The following CXXC5 variants were observed in gnomAD, a reference collection of about 807,000 sequenced individuals.
CXXC5 encodes the protein CXXC-type zinc finger protein 5.
Under a neutral mutation model 17.6 loss-of-function variants are expected in CXXC5, and 2 were observed. That is an observed-to-expected ratio of 0.11 (90% CI 0.05 to 0.36). CXXC5 has a LOEUF of 0.36. CXXC5 is among the 10% of genes least tolerant of loss of function. The probability of loss-of-function intolerance (pLI) is 1.00; values close to 1 mark genes in which losing one functional copy is unlikely to be tolerated. For synonymous variants in CXXC5, 171 were observed against 193.0 expected (o/e 0.89, Z 0.94); for missense variants, 343 against 458.3 (o/e 0.75, Z 2.30).
At position 139,680,361 on chromosome 5, in the gene CXXC5, CAG is replaced by C; in HGVS notation, c.-160_-159del. ...GCCCTGACCCTGTATCCTCTTGTGACAGAGTGAAGACATTTCCACCTGGACAC... is the reference window on the plus strand; with the variant it reads ...GCCCTGACCCTGTATCCTCTTGTGACAGTGAAGACATTTCCACCTGGACAC... On this transcript the variant is annotated splice_acceptor_variant, in intron 1 of 2. Coordinates refer to ENST00000302517, the MANE Select transcript of CXXC5 (RefSeq NM_016463.9). LOFTEE classifies it low-confidence loss of function (5UTR_SPLICE). The C allele has an allele frequency of 9.9e-7, 1 of 1,012,404 alleles. No homozygotes were observed. 62.7% of individuals were successfully genotyped at this position (1,012,404 alleles called of 1,614,324 possible). A position where few individuals can be genotyped will look rare whatever the true frequency, so the allele number is the denominator to read the frequency against.
chr5:139,661,757 C>T lies in CXXC5; in HGVS notation c.-161+12912C>T, dbSNP rs951802533. Among the ~76,000 whole-genome samples, 4 of 152,374 alleles carry T rather than the reference C, an allele frequency of 2.6e-5. No homozygotes were observed. The highest frequency in any genetic ancestry group is 3.9e-4 in the East Asian group (2 of 5,190). ...TAGACGCCCCGTGTTTAGGCTTACA[C>T]GGAAGAGGCCCGGCCTTCAGCCATG... On this transcript the variant is annotated intron_variant, in intron 1 of 2. Coordinates refer to ENST00000302517, the MANE Select transcript of CXXC5 (RefSeq NM_016463.9). This position sits in a 1 kb window ranked among gnomAD's most constrained non-coding sequence, Gnocchi z 4.7.
At chr5:139,657,300 C>G (rs1467580363) in intron 1 of CXXC5, among the ~76,000 whole-genome samples, 1 of 152,224 alleles carries the variant, frequency 6.6e-6, no homozygotes, top group East Asian at 1.9e-4. Context: ...CTGTTGGCCT[C>G]TGTGTGCTGT....
chr5:139,682,668 G>C (rs572022794), intron 2 of CXXC5, among the ~76,000 whole-genome samples, 195 bp from the exon 3 acceptor site: 1 of 152,176 alleles, frequency 6.6e-6, no homozygotes, highest in Non-Finnish European at 1.5e-5. Flanking sequence ...CAGAGTCCTC[G>C]GGGCCTTCCA....
chr5:139,670,970 C>G lies in CXXC5; in HGVS notation c.-160-9394C>G, dbSNP rs576221381. On this transcript the variant is annotated intron_variant, in intron 1 of 2. Transcript: ENST00000302517. The surrounding 1 kb of genome is among the most constrained non-coding windows in gnomAD (Gnocchi z 4.2). ...TCGTCACCATACACACTCCAGCCCC[C>G]TGAGCCCGCTCCCAGGTGCCCAGCA... is the stretch of plus-strand genomic sequence containing the variant. Among the ~76,000 whole-genome samples the G allele has an allele frequency of 6.6e-6, 1 of 152,228 alleles. No individual in the cohort carries two copies. The highest frequency in any genetic ancestry group is 2.1e-4 in the South Asian group (1 of 4,834).
At position 139,650,534 on chromosome 5, in the gene CXXC5, G is replaced by T. The variant is rs377654111; in HGVS notation, c.-161+1689G>T. ...CCCTTTCAAGTTTTCCGCTGGGGCC[G>T]CCTGGCGGGGGCTGCGAGCGCGGTC... On this transcript the variant is annotated intron_variant, in intron 1 of 2. Coordinates refer to ENST00000302517, the MANE Select transcript of CXXC5 (RefSeq NM_016463.9). Among the ~76,000 whole-genome samples the T allele has an allele frequency of 1.2e-4, 18 of 152,354 alleles. No individual in the cohort carries two copies. The South Asian group carries it at 3.3e-3, about 28-fold the overall frequency.
chr5:139,654,418 G>A (rs954307727), intron 1 of CXXC5, among the ~76,000 whole-genome samples: 8 of 152,184 alleles, frequency 5.3e-5, no homozygotes, highest in East Asian at 1.9e-4. Flanking sequence ...GAAATTGGAC[G>A]GTAAGAGAAT....
chr5:139,660,126 C>G (rs879591935), intron 1 of CXXC5, among the ~76,000 whole-genome samples: 16 of 152,346 alleles, frequency 1.1e-4, no homozygotes, highest in Non-Finnish European at 1.6e-4. Context: ...TAGAGGCAAG[C>G]TGCATCCAGG....
rs753812369 is a variant in CXXC5, at chr5:139,681,086, C to T, written c.563C>T (p.Ala188Val). 1.4e-5 allele frequency: 22 copies of T among 1,612,576 alleles called. No individual in the cohort carries two copies. In the African/African-American group the frequency reaches 2.5e-4, roughly 19 times the overall value. ...EHLPLMSEAG[A>V]GLPDMEAVAG... ...CTCCCGCTGATGAGCGAGGCGGGTG[C>T]TGGCCTGCCTGACATGGAGGCTGTG... Residue 188 changes from alanine (A) to valine (V), a missense_variant, in exon 2 of 3, where the codon GCT becomes GTT. Ala to Val is a moderately conservative substitution (Grantham distance 64). Transcript: ENST00000302517.
Position 139,670,731 on chromosome 5 carries a change from G to C in CXXC5, c.-160-9633G>C, listed in dbSNP as rs1177164154. On this transcript the variant is annotated intron_variant, in intron 1 of 2. Transcript: ENST00000302517. This position sits in a 1 kb window ranked among gnomAD's most constrained non-coding sequence, Gnocchi z 4.2. ...TCACAGACTTGGGTCGCACACACAT[G>C]CCTCCACTTTACCCTCAGGGAGGTC... Among the ~76,000 whole-genome samples the C allele has an allele frequency of 6.6e-6, 1 of 152,158 alleles. No homozygotes were observed. Among genetic ancestry groups the C allele is most frequent in the Non-Finnish European group, 1.5e-5 (1 of 68,030 alleles).
intron 1 of CXXC5, among the ~76,000 whole-genome samples, chr5:139,677,326 A>G (rs1394529935): frequency 6.6e-6 from 1 of 151,870 alleles, no homozygotes; most frequent in Non-Finnish European, 1.5e-5. Context: ...CCTGGCCTGG[A>G]AGGGGATGGC....
rs528724719 is a variant in CXXC5, at chr5:139,681,091, C to G, written c.568C>G (p.Leu190Val). ...LPLMSEAGAGLPDMEAVAGAE... is the reference protein window; with the variant it reads ...LPLMSEAGAGVPDMEAVAGAE... ...GCTGATGAGCGAGGCGGGTGCTGGCCTGCCTGACATGGAGGCTGTGGCAGG... is the reference window on the plus strand; with the variant it reads ...GCTGATGAGCGAGGCGGGTGCTGGCGTGCCTGACATGGAGGCTGTGGCAGG... The change falls in exon 2 of 3, where the codon CTG becomes GTG. Residue 190 changes from leucine to valine, a missense_variant. Leu to Val is a conservative substitution (Grantham distance 32). This residue lies in a region of CXXC5 where 297 missense variants were observed against 363.4 expected (regional missense o/e 0.82). Transcript: ENST00000302517. The G allele has an allele frequency of 6.2e-7, 1 of 1,612,830 alleles. No individual in the cohort carries two copies. Among genetic ancestry groups the G allele is most frequent in the African/African-American group, 1.3e-5 (1 of 75,076 alleles).
chr5:139,681,331 C>A lies in CXXC5; in HGVS notation c.808C>A (p.Arg270=), dbSNP rs755174634. Residue 270 remains arginine (R), a synonymous_variant, in exon 2 of 3, where the codon CGG becomes AGG. Transcript: ENST00000302517. ...ACGCTGCGGCATGTGCGCGCCCTGC[C>A]GGCGGCGCATCAACTGCGAGCAGTG... ...RKRCGMCAPC[R]RRINCEQCSS... is the part of the protein sequence containing the mutation. 2.5e-6 allele frequency: 4 copies of A among 1,612,550 alleles called. No homozygotes were observed. The South Asian group carries it at 4.4e-5, about 18-fold the overall frequency.
At chr5:139,672,392 ACAGGCGTG>A (rs1756530195) in intron 1 of CXXC5, among the ~76,000 whole-genome samples, 1 of 152,232 alleles carries the variant, frequency 6.6e-6, no homozygotes, top group South Asian at 2.1e-4. Context: ...TGCTGGGATT[ACAGGCGTG>A]AGCCTGTACA....
At chr5:139,666,005 AC>A (rs1756091157) in intron 1 of CXXC5, among the ~76,000 whole-genome samples, 1 of 152,172 alleles carries the variant, frequency 6.6e-6, no homozygotes, top group South Asian at 2.1e-4. Flanking sequence ...GTTCTTCCAA[AC>A]CCCTTTTCTC....
intron 1 of CXXC5, among the ~76,000 whole-genome samples, chr5:139,665,396 C>T (rs575710569): frequency 9.8e-5 from 15 of 152,358 alleles, no homozygotes; most frequent in Non-Finnish European, 2.1e-4. Context: ...CCATGGGTCT[C>T]CCAGAGCCCC....
intron 1 of CXXC5, among the ~76,000 whole-genome samples, chr5:139,678,325 C>T (rs1235707239): frequency 6.6e-6 from 1 of 152,188 alleles, no homozygotes; most frequent in East Asian, 1.9e-4. Context: ...TGGGAGGGAA[C>T]ACAGCTATCC....
chr5:139,650,724 C>G (rs1252074108), intron 1 of CXXC5, among the ~76,000 whole-genome samples: 1 of 152,222 alleles, frequency 6.6e-6, no homozygotes, highest in Non-Finnish European at 1.5e-5. Flanking sequence ...TGAAAGATGC[C>G]CGTGCCTTGG....
At position 139,659,240 on chromosome 5, in the gene CXXC5, C is replaced by G. The variant is rs113909038; in HGVS notation, c.-161+10395C>G. On this transcript the variant is annotated intron_variant, in intron 1 of 2. Coordinates refer to ENST00000302517, the MANE Select transcript of CXXC5 (RefSeq NM_016463.9). ...CGGGTAGGGGTGTGACTTGGTGACT[C>G]CCGGGGAAGGACTGAGGTGGGGGGA... Among the ~76,000 whole-genome samples, 17 of 152,168 alleles carry G rather than the reference C, an allele frequency of 1.1e-4. 2 individuals are homozygous for G. The highest frequency in any genetic ancestry group is 3.9e-4 in the African/African-American group (16 of 41,510).
At chr5:139,665,706 G>A (rs2126777679) in intron 1 of CXXC5, 1 of 152,382 alleles carries the variant, frequency 6.6e-6, no homozygotes, top group East Asian at 1.9e-4. Context: ...CGCCCGGCCA[G>A]TCTTGCTGAC....
Sources: gnomAD v4.1 joint callset for allele counts (sites outside exome capture counted in the v4.1 genomes callset) on GRCh38, gnomAD v4.1.1 for gene constraint, gnomAD v4.1.1 regional missense constraint, Gnocchi (gnomAD v3.1) non-coding constraint, MANE v1.5 for transcripts, NCBI Gene and HGNC (gene_info 2026-07-23, HGNC 2026-07-21) for gene names.